Variants in SPAG16 observed in about 807,000 individuals in gnomAD.
The protein encoded by SPAG16 is sperm associated antigen 16.
A neutral mutation model predicts 80.4 loss-of-function variants in SPAG16; 86 were observed. The ratio of observed to expected loss-of-function variants is 1.07; its 90% CI spans 0.90 to 1.28. SPAG16 has a LOEUF of 1.28. Ranked by LOEUF, SPAG16 falls within the 50% of genes most tolerant of loss-of-function variation. The pLI, the probability that SPAG16 is intolerant of heterozygous loss-of-function variation, is 0.00. For missense variants in SPAG16, 870 were observed against 765.3 expected (o/e 1.14, Z -1.61); for synonymous variants, 294 against 265.9 (o/e 1.11, Z -1.03).
intron 10 of SPAG16, 46 bp downstream of exon 10, chr2:213,490,136 A>C: frequency 6.6e-7 from 1 of 1,517,174 alleles, no homozygotes; most frequent in South Asian, 1.3e-5. Flanking sequence ...TTTTATTTTC[A>C]TGTCAAAATT....
intron 15 of SPAG16, among the ~76,000 whole-genome samples, chr2:214,276,656 G>T (rs114500475): frequency 1.6e-3 from 249 of 152,330 alleles, no homozygotes; most frequent in African/African-American, 5.7e-3. Flanking sequence ...TCTGCAGAGA[G>T]ATCTGCTGTT....
At chr2:213,404,830 T>G (rs1161375403) in intron 9 of SPAG16, among the ~76,000 whole-genome samples, 1 of 150,642 alleles carries the variant, frequency 6.6e-6, no homozygotes, top group Non-Finnish European at 1.5e-5. Context: ...AAGGTCATAT[T>G]TGATTCTTTA....
chr2:214,403,312 G>A (rs1031863115), intron 15 of SPAG16, among the ~76,000 whole-genome samples: 1 of 149,156 alleles, frequency 6.7e-6, no homozygotes, highest in Non-Finnish European at 1.5e-5. Context: ...TAAAGAACAG[G>A]TAAAATTGAT....
At chr2:214,106,987 C>G (rs1469976996) in intron 13 of SPAG16, among the ~76,000 whole-genome samples, 1 of 152,058 alleles carries the variant, frequency 6.6e-6, no homozygotes, top group Non-Finnish European at 1.5e-5. Context: ...ACTATACTTT[C>G]ATTCTTGGCT....
At chr2:213,327,337 A>G (rs2063887596) in intron 5 of SPAG16, among the ~76,000 whole-genome samples, 2 of 152,074 alleles carry the variant, frequency 1.3e-5, no homozygotes, top group Admixed American at 6.5e-5. Context: ...AAGCACCACC[A>G]TGAAATGAAT....
At chr2:214,153,023 C>T (rs1386824451) in intron 15 of SPAG16, among the ~76,000 whole-genome samples, 8 of 152,046 alleles carry the variant, frequency 5.3e-5, no homozygotes, top group Admixed American at 2.0e-4. Flanking sequence ...CGGATAACTG[C>T]GGGCAAGCCT....
At chr2:213,443,884 A>G (rs569539159) in intron 9 of SPAG16, among the ~76,000 whole-genome samples, 7 of 152,248 alleles carry the variant, frequency 4.6e-5, no homozygotes, top group South Asian at 2.1e-4. Flanking sequence ...AGGTGTGGGA[A>G]GTACTCTCAC....
At chr2:213,525,054 T>C (rs542166157) in intron 10 of SPAG16, among the ~76,000 whole-genome samples, 11 of 152,082 alleles carry the variant, frequency 7.2e-5, no homozygotes, top group Non-Finnish European at 1.6e-4. Flanking sequence ...TGGGAGGTAA[T>C]TGAATCATGA....
intron 11 of SPAG16, among the ~76,000 whole-genome samples, chr2:213,909,413 C>T (rs1400880890): frequency 2.0e-5 from 3 of 152,086 alleles, no homozygotes; most frequent in South Asian, 2.1e-4. Flanking sequence ...GAGCCCGCAT[C>T]GCCAAGTCAA....
chr2:213,835,487 G>C (rs980965331), intron 10 of SPAG16, among the ~76,000 whole-genome samples: 4 of 152,098 alleles, frequency 2.6e-5, no homozygotes, highest in Non-Finnish European at 4.4e-5. Flanking sequence ...CACTTATTGT[G>C]AACTTTATGC....
chr2:213,661,399 T>C (rs2063421676), intron 10 of SPAG16, among the ~76,000 whole-genome samples: 1 of 152,216 alleles, frequency 6.6e-6, no homozygotes, highest in African/African-American at 2.4e-5. Context: ...GATACAACTA[T>C]TTTAATTAAC....
chr2:214,012,278 A>ATTTTTTT (rs1559689715), intron 12 of SPAG16, among the ~76,000 whole-genome samples: 2 of 45,084 alleles, frequency 4.4e-5, no homozygotes, highest in African/African-American at 1.0e-4. Flanking sequence ...ATATATATAT[A>ATTTTTTT]TATATATATA....
chr2:213,877,392 C>A (rs1244565287), intron 11 of SPAG16, among the ~76,000 whole-genome samples: 1 of 152,024 alleles, frequency 6.6e-6, no homozygotes, highest in Admixed American at 6.6e-5. Context: ...TCACTACAGC[C>A]TCAACCTCCC....
intron 15 of SPAG16, among the ~76,000 whole-genome samples, chr2:214,311,895 G>GCATA (rs2125980239): frequency 6.6e-6 from 1 of 152,192 alleles, no homozygotes; most frequent in East Asian, 1.9e-4. Flanking sequence ...ACTCTACATA[G>GCATA]CATACTTAGA....
intron 13 of SPAG16, among the ~76,000 whole-genome samples, chr2:214,035,249 A>T (rs1188233659): frequency 6.6e-6 from 1 of 152,096 alleles, no homozygotes; most frequent in Non-Finnish European, 1.5e-5. Context: ...CAGCCTGAAT[A>T]AAGCACAAGT....
At chr2:213,731,530 A>G (rs2067043691) in intron 10 of SPAG16, among the ~76,000 whole-genome samples, 1 of 149,636 alleles carries the variant, frequency 6.7e-6, no homozygotes, top group South Asian at 2.1e-4. Flanking sequence ...CAGATTTGTT[A>G]CATAGGTAAA....
At chr2:213,479,220 T>A (rs2073612078) in intron 9 of SPAG16, among the ~76,000 whole-genome samples, 1 of 150,948 alleles carries the variant, frequency 6.6e-6, no homozygotes, top group South Asian at 2.1e-4. Flanking sequence ...ACTCTATCAC[T>A]GTCTTAGTCT....
At chr2:214,185,856 T>C (rs2057451812) in intron 15 of SPAG16, among the ~76,000 whole-genome samples, 3 of 152,142 alleles carry the variant, frequency 2.0e-5, no homozygotes, top group African/African-American at 7.2e-5. Context: ...ATATGCCCTT[T>C]TAGCCTTTCA....
At chr2:214,196,888 T>C (rs1196050878) in intron 15 of SPAG16, among the ~76,000 whole-genome samples, 2 of 152,028 alleles carry the variant, frequency 1.3e-5, no homozygotes, top group African/African-American at 4.8e-5. Flanking sequence ...TCGCTTTATA[T>C]TCGGTTGAAA....
Sources: gnomAD v4.1 joint callset for allele counts (sites outside exome capture counted in the v4.1 genomes callset) on GRCh38, gnomAD v4.1.1 for gene constraint, MANE v1.5 for transcripts, NCBI Gene and HGNC (gene_info 2026-07-23, HGNC 2026-07-21) for gene names.